RARB: variants seen among roughly 807,000 people sequenced by gnomAD.
RARB encodes retinoic acid receptor beta, also known as HBV-activated protein.
In RARB, 17 loss-of-function variants were observed where a neutral mutation model predicts 51.9. That is an observed-to-expected ratio of 0.33 (90% confidence interval 0.22 to 0.49). The LOEUF is 0.49. Ranked by LOEUF, RARB falls within the 20% of genes least tolerant of loss-of-function variation. The pLI, the probability that RARB is intolerant of heterozygous loss-of-function variation, is 0.99. For missense variants in RARB, 369 were observed against 550.8 expected, an observed-to-expected ratio of 0.67 and a Z score of 3.30; for synonymous variants, 215 against 195.4, an observed-to-expected ratio of 1.10 and a Z score of -0.84.
intron 3 of RARB, among the ~76,000 whole-genome samples, chr3:25,130,611 A>G (rs1489502673): frequency 6.6e-6 from 1 of 151,764 alleles, no homozygotes; most frequent in Non-Finnish European, 1.5e-5. Context: ...AATCCTTAGT[A>G]TATTTGAAAC....
chr3:25,280,413 G>T lies in RARB; in HGVS notation c.178+105838G>T, dbSNP rs533973825. On this transcript the variant is annotated intron_variant, in intron 5 of 11. Coordinates refer to the RARB transcript ENST00000383772. Reference sequence around the variant, plus strand: ...TTCTGCTGTTTTCTCAAATGCCAAGGTGCCATAATTTGGGGTAGCATGTCC... The same window carrying T: ...TTCTGCTGTTTTCTCAAATGCCAAGTTGCCATAATTTGGGGTAGCATGTCC... 8.3e-4 allele frequency among the ~76,000 whole-genome samples: 126 copies of T among 152,250 alleles called. 2 individuals carry two copies. The South Asian group carries it at 0.024, about 29-fold the overall frequency.
At chr3:25,034,312 G>GA (rs1697938113) in intron 2 of RARB, among the ~76,000 whole-genome samples, 1 of 152,066 alleles carries the variant, frequency 6.6e-6, no homozygotes, top group Non-Finnish European at 1.5e-5. Context: ...CTTGTCACAA[G>GA]AAAAAAAGAA....
At chr3:25,444,210 A>G (rs532655417) in intron 1 of RARB, among the ~76,000 whole-genome samples, 3 of 152,284 alleles carry the variant, frequency 2.0e-5, no homozygotes, top group African/African-American at 7.2e-5. Flanking sequence ...GAGAGGTTCA[A>G]ATACCTACCT....
At chr3:25,058,513 T>A (rs1230214370) in intron 2 of RARB, among the ~76,000 whole-genome samples, 1 of 149,676 alleles carries the variant, frequency 6.7e-6, no homozygotes, top group East Asian at 2.2e-4. Context: ...CATGCCCTCA[T>A]GAAGCTTTGA....
intron 3 of RARB, among the ~76,000 whole-genome samples, chr3:25,082,984 G>C (rs1349093123): frequency 6.6e-6 from 1 of 151,960 alleles, no homozygotes; most frequent in Admixed American, 6.6e-5. Flanking sequence ...GTAATTTAGA[G>C]ATGTTCTTAT....
At chr3:25,314,937 G>C (rs1187358453) in intron 5 of RARB, among the ~76,000 whole-genome samples, 1 of 152,146 alleles carries the variant, frequency 6.6e-6, no homozygotes, top group African/African-American at 2.4e-5. Context: ...TGAGAACATG[G>C]ATGTAGCTGG....
chr3:25,570,021 CTTT>C, intron 4 of RARB, 103 bp downstream of exon 4: 27 of 1,191,362 alleles, frequency 2.3e-5, no homozygotes, highest in South Asian at 6.5e-5. Flanking sequence ...CACACACACA[CTTT>C]GCACTGGGCC....
Position 24,922,215 on chromosome 3 carries a change from C to G in RARB, c.-380+63463C>G, listed in dbSNP as rs140683416. Among the ~76,000 whole-genome samples the G allele has an allele frequency of 1.3e-3, 197 of 152,282 alleles. 1 individual carries two copies. The highest frequency in any genetic ancestry group is 4.2e-3 in the African/African-American group (173 of 41,564). On this transcript the variant is annotated intron_variant, in intron 2 of 11. Transcript: ENST00000383772. ...GTTCTGTCACTGCTATCTGTATAAA[C>G]CTGTAAAATGGAGATAAAAATGGTT...
chr3:25,125,791 G>C (rs1232760191), intron 3 of RARB, among the ~76,000 whole-genome samples: 1 of 152,156 alleles, frequency 6.6e-6, no homozygotes, highest in Non-Finnish European at 1.5e-5. Flanking sequence ...ATAAATACTT[G>C]TTGATTTGAA....
chr3:25,382,393 C>T (rs1429137299), intron 5 of RARB, among the ~76,000 whole-genome samples: 1 of 107,248 alleles, frequency 9.3e-6, no homozygotes, highest in Non-Finnish European at 2.0e-5. Flanking sequence ...CCTTTGGAGG[C>T]TCTGGGATGG....
intron 2 of RARB, among the ~76,000 whole-genome samples, chr3:24,863,932 C>T (rs990128437): frequency 6.6e-6 from 1 of 152,012 alleles, no homozygotes; most frequent in Non-Finnish European, 1.5e-5. Flanking sequence ...CAAGGCCCGC[C>T]CCTCCCTGAG....
At position 25,566,175 on chromosome 3, in the gene RARB, G is replaced by A. The variant is rs147195434; in HGVS notation, c.449-3583G>A. Among the ~76,000 whole-genome samples the A allele has an allele frequency of 1.1e-3, 166 of 152,266 alleles. 2 individuals carry two copies. The highest frequency in any genetic ancestry group is 3.9e-3 in the South Asian group (19 of 4,824). Reference sequence around the variant, plus strand: ...CTTGGCAGCCCTTCTCAAACACTGCGTCTGCGTTCTTCTAGAGTTTAAAAC... The same window carrying A: ...CTTGGCAGCCCTTCTCAAACACTGCATCTGCGTTCTTCTAGAGTTTAAAAC... On this transcript the variant is annotated intron_variant, in intron 3 of 7. Coordinates refer to ENST00000330688, the MANE Select transcript of RARB (RefSeq NM_000965.5).
chr3:25,237,394 T>C (rs181097700), intron 5 of RARB, among the ~76,000 whole-genome samples: 3 of 152,262 alleles, frequency 2.0e-5, no homozygotes, highest in Admixed American at 2.0e-4. Flanking sequence ...CATTTATTTT[T>C]CTTTTTGCAC....
chr3:25,132,364 A>G (rs1699967498), intron 4 of RARB, among the ~76,000 whole-genome samples: 1 of 151,934 alleles, frequency 6.6e-6, no homozygotes, highest in Admixed American at 6.6e-5. Context: ...GAACATCACA[A>G]CAACCTTAGG....
At chr3:25,350,888 G>T (rs17016253) in intron 5 of RARB, among the ~76,000 whole-genome samples, 6,116 of 152,268 alleles carry the variant, frequency 0.04, 163 homozygotes, top group Middle Eastern at 0.061. Flanking sequence ...TGTACCCTCT[G>T]CCAGTTCCCA....
intron 4 of RARB, among the ~76,000 whole-genome samples, chr3:25,159,414 C>CG (rs916660248): frequency 4.3e-5 from 5 of 117,278 alleles, no homozygotes; most frequent in East Asian, 2.3e-4. Context: ...GATGATCCAC[C>CG]CCCCCCGCTC....
intron 3 of RARB, among the ~76,000 whole-genome samples, chr3:25,130,962 T>A (rs973165903): frequency 1.1e-4 from 5 of 44,210 alleles, no homozygotes; most frequent in Non-Finnish European, 2.2e-4. Context: ...ATTGATAATA[T>A]TATCAATATT....
At chr3:25,343,729 T>A (rs1705302701) in intron 5 of RARB, among the ~76,000 whole-genome samples, 1 of 152,204 alleles carries the variant, frequency 6.6e-6, no homozygotes, top group Non-Finnish European at 1.5e-5. Flanking sequence ...CGTATTTAAC[T>A]ATGTAACCCC....
intron 3 of RARB, among the ~76,000 whole-genome samples, chr3:25,541,447 C>T (rs1699376774): frequency 6.6e-6 from 1 of 152,186 alleles, no homozygotes; most frequent in Admixed American, 6.5e-5. Context: ...CTATCTACCT[C>T]TCCAGTGCTT....
Sources: allele counts gnomAD v4.1 joint callset (sites outside exome capture counted in the v4.1 genomes callset), GRCh38; gene constraint gnomAD v4.1.1; transcripts MANE v1.5; gene names NCBI Gene and HGNC (gene_info 2026-07-23, HGNC 2026-07-21).